PEMT: variants seen among roughly 807,000 people sequenced by gnomAD.
PEMT encodes the protein phospholipid methyltransferase.
In PEMT, 23 loss-of-function variants were observed where a neutral mutation model predicts 27.4. The observed-to-expected ratio is 0.84, with a 90% CI of 0.60 to 1.19. PEMT has a LOEUF of 1.19. PEMT is among the 50% of genes most tolerant of loss of function. The pLI, the probability that PEMT is intolerant of heterozygous loss-of-function variation, is 0.00. For missense variants in PEMT, 307 were observed against 310.1 expected (o/e 0.99, Z 0.07); for synonymous variants, 137 against 139.1 (o/e 0.98, Z 0.11).
chr17:17,530,688 G>A (rs1243661621), intron 2 of PEMT, among the ~76,000 whole-genome samples: 1 of 152,046 alleles, frequency 6.6e-6, no homozygotes, highest in Non-Finnish European at 1.5e-5. Context: ...TATTGTTGGT[G>A]ATAAAATATT....
At chr17:17,578,413 C>T (rs1156929146) in intron 1 of PEMT, among the ~76,000 whole-genome samples, 1 of 151,794 alleles carries the variant, frequency 6.6e-6, no homozygotes, top group African/African-American at 2.4e-5. Flanking sequence ...GCAAGAGGAT[C>T]GCTTGAGCCC....
At chr17:17,524,685 T>C (rs1301604695) in intron 2 of PEMT, among the ~76,000 whole-genome samples, 3 of 151,798 alleles carry the variant, frequency 2.0e-5, no homozygotes, top group African/African-American at 7.3e-5. Context: ...TAAGCCAAGA[T>C]GGCACACCAC....
Position 17,582,347 on chromosome 17 carries a change from C to T in PEMT, c.97-5320G>A. 1.0e-6 allele frequency: 1 copy of T among 985,462 alleles called. No homozygotes were observed. The highest frequency in any genetic ancestry group is 1.2e-6 in the Non-Finnish European group (1 of 829,950). The allele number at this position is 985,462 out of a possible 1,614,324, so 61.0% of individuals were successfully genotyped here. A position where few individuals can be genotyped will look rare whatever the true frequency, so the allele number is the denominator to read the frequency against. ...ACGAATAGCCTCAGCTGTTAACACC[C>T]CAAAGCATGGGTAAGGAAGAGGCTT... On this transcript the variant is annotated intron_variant, in intron 1 of 6. Transcript: ENST00000255389. The surrounding 1 kb of genome is among the most constrained non-coding windows in gnomAD (Gnocchi z 4.9).
intron 3 of PEMT, among the ~76,000 whole-genome samples, chr17:17,521,586 C>T (rs758700610): frequency 5.3e-5 from 8 of 152,070 alleles, no homozygotes; most frequent in South Asian, 2.1e-4. Flanking sequence ...AAATGTGAGA[C>T]GGAGTCTCGC....
At chr17:17,541,499 G>A (rs1164307851) in intron 2 of PEMT, among the ~76,000 whole-genome samples, 8 of 152,224 alleles carry the variant, frequency 5.3e-5, no homozygotes, top group African/African-American at 1.9e-4. Flanking sequence ...GCGGGGCATG[G>A]GCAGGCTCGG....
At chr17:17,584,318 C>A (rs1912129257) in intron 1 of PEMT, among the ~76,000 whole-genome samples, 1 of 152,168 alleles carries the variant, frequency 6.6e-6, no homozygotes, top group East Asian at 1.9e-4. Context: ...CGCCACCATG[C>A]CCAGCTATTT....
At position 17,582,370 on chromosome 17, in the gene PEMT, CT is replaced by C. The variant is rs762906540; in HGVS notation, c.97-5344del. Reference sequence around the variant, plus strand: ...CCCCAAAGCATGGGTAAGGAAGAGGCTTTATGGTAATTTACTCCATTGAGGG... The same window carrying C: ...CCCCAAAGCATGGGTAAGGAAGAGGCTTATGGTAATTTACTCCATTGAGGG... On this transcript the variant is annotated intron_variant, in intron 1 of 6. Transcript: ENST00000255389. The surrounding 1 kb of genome is among the most constrained non-coding windows in gnomAD (Gnocchi z 4.9). 12 of 985,470 alleles carry C rather than the reference CT, an allele frequency of 1.2e-5. No homozygotes were observed. The highest frequency in any genetic ancestry group is 1.4e-5 in the Non-Finnish European group (12 of 829,950). The allele number at this position is 985,470 out of a possible 1,614,324, so 61.0% of individuals were successfully genotyped here.
At chr17:17,538,897 C>T (rs928794371) in intron 2 of PEMT, among the ~76,000 whole-genome samples, 4 of 152,168 alleles carry the variant, frequency 2.6e-5, no homozygotes, top group South Asian at 2.1e-4. Context: ...CTACACAGGC[C>T]GATAAGCAGC....
At chr17:17,507,192 G>GT in intron 5 of PEMT, 1 of 1,558,648 alleles carries the variant, frequency 6.4e-7, no homozygotes, top group East Asian at 2.4e-5. Flanking sequence ...GCTCCCGCAG[G>GT]TGCTGGGCTG....
intron 2 of PEMT, among the ~76,000 whole-genome samples, chr17:17,564,204 C>T (rs902093946): frequency 6.6e-6 from 1 of 152,132 alleles, no homozygotes; most frequent in African/African-American, 2.4e-5. Flanking sequence ...CGGCACTGGT[C>T]CCACAGTTGC....
chr17:17,586,036 T>A (rs1325365232), intron 1 of PEMT, among the ~76,000 whole-genome samples: 1 of 141,338 alleles, frequency 7.1e-6, no homozygotes, highest in African/African-American at 2.7e-5. Context: ...TGACCCAAGA[T>A]GGCGCCACTG....
intron 2 of PEMT, among the ~76,000 whole-genome samples, chr17:17,552,670 G>A (rs542780587): frequency 7.0e-4 from 106 of 152,350 alleles, no homozygotes; most frequent in Non-Finnish European, 1.2e-3. Flanking sequence ...ATGGAAATGT[G>A]CTTGATCCAT....
Position 17,582,333 on chromosome 17 carries a change from C to T in PEMT, c.97-5306G>A. 1.0e-6 allele frequency: 1 copy of T among 985,498 alleles called. No individual in the cohort carries two copies. Among genetic ancestry groups the T allele is most frequent in the African/African-American group, 1.7e-5 (1 of 57,372 alleles). 61.0% of individuals were successfully genotyped at this position (985,498 alleles called of 1,614,324 possible). On this transcript the variant is annotated intron_variant, in intron 1 of 6. Coordinates refer to ENST00000255389, the MANE Select transcript of PEMT (RefSeq NM_148172.3). The surrounding 1 kb of genome is among the most constrained non-coding windows in gnomAD (Gnocchi z 4.9). ...CCCACAGGTCACCGACGAATAGCCT[C>T]AGCTGTTAACACCCCAAAGCATGGG...
At chr17:17,571,755 C>G (rs1271660297) in intron 2 of PEMT, among the ~76,000 whole-genome samples, 1 of 150,780 alleles carries the variant, frequency 6.6e-6, no homozygotes, top group East Asian at 1.9e-4. Context: ...GCCACCCAAA[C>G]TGGAGTTCAG....
chr17:17,528,180 G>A (rs544586156), intron 2 of PEMT, among the ~76,000 whole-genome samples: 2 of 152,336 alleles, frequency 1.3e-5, no homozygotes, highest in South Asian at 2.1e-4. Context: ...GGGCTCATGA[G>A]CTCCAAGCTT....
intron 2 of PEMT, among the ~76,000 whole-genome samples, chr17:17,526,863 T>C (rs1907706694): frequency 6.6e-6 from 1 of 152,094 alleles, no homozygotes; most frequent in Non-Finnish European, 1.5e-5. Flanking sequence ...TTCTCAAATC[T>C]TGGCAATGAA....
rs192498877 is a variant in PEMT at position 17,505,567 on chromosome 17, G to A, written c.*224C>T. On this transcript the variant is annotated 3_prime_UTR_variant, in exon 7 of 7. Coordinates refer to ENST00000255389, the MANE Select transcript of PEMT (RefSeq NM_148172.3). The stretch of plus-strand genomic sequence containing the variant: ...AGACAGAGGCTGGAGCAGATGTTGG[G>A]GTCAGGGTGCCTTTATTGGTGAATG... The A allele has an allele frequency of 1.0e-3, 433 of 415,606 alleles. 1 individual carries two copies. Among genetic ancestry groups the A allele is most frequent in the Non-Finnish European group, 8.1e-4 (191 of 237,046 alleles). The allele number at this position is 415,606 out of a possible 1,614,324, so 25.7% of individuals were successfully genotyped here.
chr17:17,586,461 T>C (rs1912321276), intron 1 of PEMT, among the ~76,000 whole-genome samples: 1 of 151,912 alleles, frequency 6.6e-6, no homozygotes, highest in South Asian at 2.1e-4. Flanking sequence ...TTTAAACGAA[T>C]AGAAAGCATA....
chr17:17,585,048 A>G (rs545498782), intron 1 of PEMT, among the ~76,000 whole-genome samples: 1 of 152,322 alleles, frequency 6.6e-6, no homozygotes, highest in East Asian at 1.9e-4. Flanking sequence ...TTAAGAACTG[A>G]GGTGAGTGGC....
Sources: gnomAD v4.1 joint callset for allele counts (sites outside exome capture counted in the v4.1 genomes callset) on GRCh38, gnomAD v4.1.1 for gene constraint, Gnocchi (gnomAD v3.1) non-coding constraint, MANE v1.5 for transcripts, NCBI Gene and HGNC (gene_info 2026-07-23, HGNC 2026-07-21) for gene names.